Variants in C1QC observed in about 807,000 individuals in gnomAD.
The protein encoded by C1QC is complement C1q C chain.
Under a neutral mutation model 5.9 loss-of-function variants are expected in C1QC, and 4 were observed. The observed-to-expected ratio is 0.68, with a 90% confidence interval of 0.33 to 1.55. The LOEUF is 1.55. Ranked by LOEUF, C1QC falls within the 40% of genes most tolerant of loss-of-function variation. The pLI, the probability that C1QC is intolerant of heterozygous loss-of-function variation, is 0.06. For missense variants in C1QC, 299 were observed against 326.9 expected (o/e 0.91, Z 0.66); for synonymous variants, 166 against 153.8 (o/e 1.08, Z -0.59).
rs370014774 is a variant in C1QC at position 22,647,778 on chromosome 1, G to A, written c.733G>A (p.Asp245Asn). 7 of 1,599,500 alleles carry A rather than the reference G, an allele frequency of 4.4e-6. No homozygotes were observed. In the Admixed American group the frequency reaches 5.0e-5, roughly 11 times the overall value. Residue 245 changes from aspartate (D) to asparagine (N), a missense_variant, in exon 3 of 3, where the codon GAC (aspartate) becomes AAC (asparagine). Around this residue, in one of 3 missense-constraint regions of C1QC, gnomAD observed 144 missense variants for 155.1 expected, o/e 0.93. Transcript: ENST00000374640. ...CTTCTCCGGCTTCCTGCTCTTCCCC[G>A]ACTAGGGCGGGCAGATGCGCTCGAG... ...SVFSGFLLFP[D>N]
Position 22,647,436 on chromosome 1 carries a change from C to T in C1QC, c.391C>T (p.Pro131Ser). Reference sequence around the variant, plus strand: ...CACGGTCACTCGGCAGACCCACCAGCCCCCTGCACCCAACAGCCTGATCAG... The same window carrying T: ...CACGGTCACTCGGCAGACCCACCAGTCCCCTGCACCCAACAGCCTGATCAG... Reference protein sequence around the residue: ...VFTVTRQTHQPPAPNSLIRFN... With the variant: ...VFTVTRQTHQSPAPNSLIRFN... Residue 131 changes from proline to serine, a missense_variant, in exon 3 of 3, where the codon CCC (proline) becomes TCC (serine). By Grantham distance (74) the Pro-to-Ser change is moderately conservative. This residue lies in a region of C1QC where 144 missense variants were observed against 155.1 expected (regional missense o/e 0.93). Coordinates refer to ENST00000374640, the MANE Select transcript of C1QC (RefSeq NM_172369.5). The T allele has an allele frequency of 6.2e-7, 1 of 1,614,164 alleles. No individual in the cohort carries two copies. Among genetic ancestry groups the T allele is most frequent in the Non-Finnish European group, 8.5e-7 (1 of 1,180,034 alleles).
Position 22,644,113 on chromosome 1 carries a change from A to G in C1QC, c.90A>G (p.Thr30=), listed in dbSNP as rs2148294532. Residue 30 remains threonine, a synonymous_variant, in exon 2 of 3, where the codon ACA becomes ACG. Coordinates refer to ENST00000374640, the MANE Select transcript of C1QC (RefSeq NM_172369.5). ...LLLPLRGQAN[T]GCYGIPGMPG... is the part of the protein sequence containing the mutation. ...TGCCCCTCAGGGGCCAAGCCAACAC[A>G]GGCTGCTACGGGATCCCAGGGATGC... 1.3e-6 allele frequency: 2 copies of G among 1,582,556 alleles called. No individual in the cohort carries two copies. The highest frequency in any genetic ancestry group is 1.7e-6 in the Non-Finnish European group (2 of 1,165,190).
Position 22,647,417 on chromosome 1 carries a change from C to G in C1QC, c.372C>G (p.Val124=), listed in dbSNP as rs151045868. ...YKQKFQSVFT[V]TRQTHQPPAP... is the part of the protein sequence containing the mutation. ...AGAAATTCCAGTCAGTGTTCACGGT[C>G]ACTCGGCAGACCCACCAGCCCCCTG... Residue 124 remains valine (V), a synonymous_variant, in exon 3 of 3, where the codon GTC becomes GTG. Transcript: ENST00000374640. 1.2e-6 allele frequency: 2 copies of G among 1,614,024 alleles called. No individual in the cohort carries two copies. Among genetic ancestry groups the G allele is most frequent in the Non-Finnish European group, 1.7e-6 (2 of 1,180,038 alleles).
chr1:22,644,283 G>A (rs1387903811), intron 2 of C1QC, 79 bp downstream of exon 2: 29 of 1,448,302 alleles, frequency 2.0e-5, no homozygotes, highest in East Asian at 5.1e-5. Context: ...CCAAGGGGGC[G>A]GGGGACAGCA....
At position 22,647,485 on chromosome 1, in the gene C1QC, C is replaced by G; in HGVS notation, c.440C>G (p.Pro147Arg). 6 of 1,614,216 alleles carry G rather than the reference C, an allele frequency of 3.7e-6. No individual in the cohort carries two copies. Among genetic ancestry groups the G allele is most frequent in the Non-Finnish European group, 5.1e-6 (6 of 1,180,042 alleles). Reference protein sequence around the residue: ...LIRFNAVLTNPQGDYDTSTGK... With the variant: ...LIRFNAVLTNRQGDYDTSTGK... The stretch of plus-strand genomic sequence containing the variant: ...AGATTCAACGCGGTCCTCACCAACC[C>G]GCAGGGAGATTATGACACGAGCACT... Residue 147 changes from proline to arginine, a missense_variant, in exon 3 of 3, where the codon CCG becomes CGG. This residue lies in a region of C1QC where 144 missense variants were observed against 155.1 expected (regional missense o/e 0.93). Coordinates refer to ENST00000374640, the MANE Select transcript of C1QC (RefSeq NM_172369.5).
In C1QC at chr1:22,647,387, C is replaced by T. The variant is rs1642387150; in HGVS notation, c.342C>T (p.Tyr114=). The T allele has an allele frequency of 6.2e-7, 1 of 1,613,974 alleles. No homozygotes were observed. The part of the protein sequence containing the change: ...IPGEPGEEGR[Y]KQKFQSVFTV... ...GAGAGCCAGGTGAGGAGGGCAGATA[C>T]AAGCAGAAATTCCAGTCAGTGTTCA... Residue 114 remains tyrosine, a synonymous_variant, in exon 3 of 3, where the codon TAC becomes TAT. Coordinates refer to ENST00000374640, the MANE Select transcript of C1QC (RefSeq NM_172369.5).
Position 22,648,044 on chromosome 1 carries a change from T to C in C1QC, c.*261T>C. 2 of 448,650 alleles carry C rather than the reference T, an allele frequency of 4.5e-6. No individual in the cohort carries two copies. Among genetic ancestry groups the C allele is most frequent in the Non-Finnish European group, 7.9e-6 (2 of 254,044 alleles). 27.8% of individuals were successfully genotyped at this position (448,650 alleles called of 1,614,324 possible). A position where few individuals can be genotyped will look rare whatever the true frequency, so the allele number is the denominator to read the frequency against. ...ATGCCTTCTGGTACTGCCATTCTTT[T>C]TTTTTTTTTTTTCAAGTATTGGAAG... is the stretch of plus-strand genomic sequence containing the variant. On this transcript the variant is annotated 3_prime_UTR_variant, in exon 3 of 3. Coordinates refer to ENST00000374640, the MANE Select transcript of C1QC (RefSeq NM_172369.5).
chr1:22,647,912 G>A lies in C1QC; in HGVS notation c.*129G>A. ...CCACCAGATGGACTTCTCCTCCAGG[G>A]AGCCCACCCTGACCCACCCCCACTG... On this transcript the variant is annotated 3_prime_UTR_variant, in exon 3 of 3. Coordinates refer to ENST00000374640, the MANE Select transcript of C1QC (RefSeq NM_172369.5). 1 of 1,204,912 alleles carries A rather than the reference G, an allele frequency of 8.3e-7. No homozygotes were observed. The highest frequency in any genetic ancestry group is 1.1e-6 in the Non-Finnish European group (1 of 894,272). 74.6% of individuals were successfully genotyped at this position (1,204,912 alleles called of 1,614,324 possible).
rs752545035 is a variant in C1QC, at chr1:22,644,167, T to G, written c.144T>G (p.Asp48Glu). The change falls in exon 2 of 3, where the codon GAT becomes GAG. Residue 48 changes from aspartate to glutamate, a missense_variant. Transcript: ENST00000374640. ...MPGLPGAPGK[D>E]GYDGLPGPKG... is the part of the protein sequence containing the mutation. Reference sequence around the variant, plus strand: ...GCCTGCCCGGGGCACCAGGGAAGGATGGGTACGACGGACTGCCGGGGCCCA... The same window carrying G: ...GCCTGCCCGGGGCACCAGGGAAGGAGGGGTACGACGGACTGCCGGGGCCCA... 5 of 1,586,614 alleles carry G rather than the reference T, an allele frequency of 3.2e-6. No individual in the cohort carries two copies. Among genetic ancestry groups the G allele is most frequent in the Non-Finnish European group, 3.4e-6 (4 of 1,167,650 alleles).
At position 22,647,949 on chromosome 1, in the gene C1QC, C is replaced by A; in HGVS notation, c.*166C>A. On this transcript the variant is annotated 3_prime_UTR_variant, in exon 3 of 3. Transcript: ENST00000374640. Reference sequence around the variant, plus strand: ...ACCCACCCCCACTGCACCCCCTCCCCATGGGTTCTCTCCTTCCTCTGAACT... The same window carrying A: ...ACCCACCCCCACTGCACCCCCTCCCAATGGGTTCTCTCCTTCCTCTGAACT... 1 of 882,052 alleles carries A rather than the reference C, an allele frequency of 1.1e-6. No homozygotes were observed. Among genetic ancestry groups the A allele is most frequent in the Non-Finnish European group, 1.7e-6 (1 of 580,508 alleles). 54.6% of individuals were successfully genotyped at this position (882,052 alleles called of 1,614,324 possible).
chr1:22,644,156 C>A lies in C1QC; in HGVS notation c.133C>A (p.Pro45Thr). Reference protein sequence around the residue: ...IPGMPGLPGAPGKDGYDGLPG... With the variant: ...IPGMPGLPGATGKDGYDGLPG... The stretch of plus-strand genomic sequence containing the variant: ...AGGGATGCCCGGCCTGCCCGGGGCA[C>A]CAGGGAAGGATGGGTACGACGGACT... The change falls in exon 2 of 3, where the codon CCA becomes ACA. Residue 45 changes from proline (P) to threonine (T), a missense_variant. Pro to Thr is a conservative substitution (Grantham distance 38). Around this residue, in one of 3 missense-constraint regions of C1QC, gnomAD observed 146 missense variants for 144.1 expected, o/e 1.01. Transcript: ENST00000374640. 1 of 1,587,354 alleles carries A rather than the reference C, an allele frequency of 6.3e-7. No individual in the cohort carries two copies. The highest frequency in any genetic ancestry group is 8.6e-7 in the Non-Finnish European group (1 of 1,167,938).
chr1:22,647,255 AC>A lies in C1QC; in HGVS notation c.213del (p.Gln74ArgfsTer64), dbSNP rs761681612. The A allele has an allele frequency of 2.2e-5, 36 of 1,608,950 alleles. No individual in the cohort carries two copies. Among genetic ancestry groups the A allele is most frequent in the Non-Finnish European group, 3.0e-5 (35 of 1,179,896 alleles). ...TCCCAGCCATTCCCGGGATCCGAGGACCCAAAGGGCAGAAGGGAGAACCCGG... is the reference window on the plus strand; with the variant it reads ...TCCCAGCCATTCCCGGGATCCGAGGACCAAAGGGCAGAAGGGAGAACCCGG... ...GIPAIPGIRG[P>X]KGQKGEPGLP... On this transcript the variant is annotated frameshift_variant, in exon 3 of 3. Coordinates refer to ENST00000374640, the MANE Select transcript of C1QC (RefSeq NM_172369.5). LOFTEE classifies it low-confidence loss of function (END_TRUNC).
chr1:22,644,295 G>A, intron 2 of C1QC, 91 bp downstream of exon 2: 1 of 1,424,002 alleles, frequency 7.0e-7, no homozygotes, highest in South Asian at 1.5e-5. Flanking sequence ...GGGACAGCAG[G>A]AAGTGCTTGC....
At chr1:22,646,501 G>A (rs957783876) in intron 2 of C1QC, among the ~76,000 whole-genome samples, 3 of 152,228 alleles carry the variant, frequency 2.0e-5, no homozygotes, top group African/African-American at 4.8e-5. Context: ...AACTGGTGAA[G>A]TCTACATAAG....
intron 2 of C1QC, 25 bp downstream of exon 2, chr1:22,644,229 G>T: frequency 6.5e-7 from 1 of 1,541,912 alleles, no homozygotes. Flanking sequence ...CTGGTTTGGG[G>T]GTTTGGGTCT....
chr1:22,646,849 T>C (rs1642376065), intron 2 of C1QC, among the ~76,000 whole-genome samples: 2 of 152,198 alleles, frequency 1.3e-5, no homozygotes, highest in Admixed American at 1.3e-4. Flanking sequence ...TAAAAAACAT[T>C]GTGCAGGCCA....
At position 22,647,996 on chromosome 1, in the gene C1QC, G is replaced by C. The variant is rs1209115750; in HGVS notation, c.*213G>C. ...AACTTCTTTAGGAGTCACTGCTTGT[G>C]TGGTTCCTGGGACACTTAACCAATG... On this transcript the variant is annotated 3_prime_UTR_variant, in exon 3 of 3. Coordinates refer to ENST00000374640, the MANE Select transcript of C1QC (RefSeq NM_172369.5). The C allele has an allele frequency of 1.7e-6, 1 of 597,396 alleles. No homozygotes were observed. The highest frequency in any genetic ancestry group is 2.9e-6 in the Non-Finnish European group (1 of 349,214). The allele number at this position is 597,396 out of a possible 1,614,324, so 37.0% of individuals were successfully genotyped here.
intron 2 of C1QC, among the ~76,000 whole-genome samples, chr1:22,645,030 C>T (rs950084737): frequency 6.6e-5 from 10 of 152,104 alleles, no homozygotes; most frequent in African/African-American, 2.4e-4. Flanking sequence ...GTCTCAGATG[C>T]TAGGCATGCC....
chr1:22,647,981 G>A lies in C1QC; in HGVS notation c.*198G>A, dbSNP rs2148297986. The A allele has an allele frequency of 1.6e-6, 1 of 641,862 alleles. No homozygotes were observed. The highest frequency in any genetic ancestry group is 2.9e-5 in the East Asian group (1 of 34,780). 39.8% of individuals were successfully genotyped at this position (641,862 alleles called of 1,614,324 possible). On this transcript the variant is annotated 3_prime_UTR_variant, in exon 3 of 3. Transcript: ENST00000374640. The stretch of plus-strand genomic sequence containing the variant: ...TCTCTCCTTCCTCTGAACTTCTTTA[G>A]GAGTCACTGCTTGTGTGGTTCCTGG...
Sources: allele counts gnomAD v4.1 joint callset (sites outside exome capture counted in the v4.1 genomes callset), GRCh38; gene constraint gnomAD v4.1.1; regional missense constraint gnomAD v4.1.1; transcripts MANE v1.5; gene names NCBI Gene and HGNC (gene_info 2026-07-23, HGNC 2026-07-21).